The following DGKA variants were observed in gnomAD, a reference collection of about 807,000 sequenced individuals.
The protein encoded by DGKA is 80 kDa diacylglycerol kinase.
Under a neutral mutation model 105.0 loss-of-function variants are expected in DGKA, and 35 were observed. That is an observed-to-expected ratio of 0.33 (90% CI 0.25 to 0.44). The LOEUF (loss-of-function observed/expected upper bound fraction) is 0.44, where lower values mean the gene tolerates loss of function less well. Among genes scored for constraint, DGKA ranks in the 20% least tolerant of loss-of-function variants. The pLI, the probability that DGKA is intolerant of heterozygous loss-of-function variation, is 1.00. For synonymous variants in DGKA, 296 were observed against 332.0 expected (o/e 0.89, Z 1.18); for missense variants, 665 against 915.0 (o/e 0.73, Z 3.53).
intron 15 of DGKA, 46 bp downstream of exon 15, chr12:55,941,630 T>C: frequency 6.3e-7 from 1 of 1,579,484 alleles, no homozygotes; most frequent in Non-Finnish European, 8.7e-7. Flanking sequence ...CGTGGGTCTG[T>C]GTATCTGTAT....
chr12:55,928,698 A>C (rs1176364219), upstream of DGKA, among the ~76,000 whole-genome samples: 1 of 150,424 alleles, frequency 6.6e-6, no homozygotes, highest in African/African-American at 2.4e-5. Context: ...AAAAAAAAAA[A>C]AAAAAAAACT....
rs771979676 is a variant in DGKA, at chr12:55,939,173, A to G, written c.475-13A>G. ...CCACTCATACTGAAAGTCCCTTTCC[A>G]CTCTGTGCTCAGATTCTTCAGGAGA... On this transcript the variant is annotated splice_polypyrimidine_tract_variant and intron_variant, in intron 7 of 23. Coordinates refer to ENST00000331886, the MANE Select transcript of DGKA (RefSeq NM_001345.5). The G allele has an allele frequency of 1.2e-6, 2 of 1,613,286 alleles. No homozygotes were observed. Among genetic ancestry groups the G allele is most frequent in the South Asian group, 2.2e-5 (2 of 90,934 alleles).
At chr12:55,939,554 G>A (rs769800458) in intron 9 of DGKA, 25 bp downstream of exon 9, 1 of 1,609,060 alleles carries the variant, frequency 6.2e-7, no homozygotes, top group South Asian at 1.1e-5. Context: ...CTGGGAGGTA[G>A]GGGAAGAGGG....
At position 55,939,290 on chromosome 12, in the gene DGKA, G is replaced by A. The variant is rs374635355; in HGVS notation, c.579G>A (p.Leu193=). Residue 193 remains leucine (L), a synonymous_variant, in exon 8 of 24, where the codon CTG becomes CTA. Transcript: ENST00000331886. ...AGATTVPLLV[L]LGLEMTLKDD... is the part of the protein sequence containing the mutation. ...CCACCACCGTGCCACTGCTAGTGCT[G>A]CTGGGTCTGGAGATGGTGAGTAGGA... 3 of 1,614,036 alleles carry A rather than the reference G, an allele frequency of 1.9e-6. No individual in the cohort carries two copies. The Admixed American group carries it at 5.0e-5, about 27-fold the overall frequency.
In DGKA at chr12:55,932,749, C is replaced by G. The variant is rs976097866; in HGVS notation, c.-82+1405C>G. ...CACACACACACACACACAACCCCCTCAGCCAGGTGTAGCACTGCAGTCTTC... is the reference window on the plus strand; with the variant it reads ...CACACACACACACACACAACCCCCTGAGCCAGGTGTAGCACTGCAGTCTTC... On this transcript the variant is annotated intron_variant, in intron 1 of 23. Transcript: ENST00000331886. The surrounding 1 kb of genome is among the most constrained non-coding windows in gnomAD (Gnocchi z 4.3). The G allele has an allele frequency of 1.6e-6, 1 of 612,086 alleles. No individual in the cohort carries two copies. The highest frequency in any genetic ancestry group is 3.0e-6 in the Non-Finnish European group (1 of 336,674). The allele number at this position is 612,086 out of a possible 1,614,324, so 37.9% of individuals were successfully genotyped here.
rs760712689 is a variant in DGKA, at chr12:55,953,400, C to T, written c.2114C>T (p.Thr705Met). The T allele has an allele frequency of 6.8e-6, 11 of 1,613,978 alleles. No homozygotes were observed. The highest frequency in any genetic ancestry group is 1.3e-5 in the African/African-American group (1 of 74,884). The change falls in exon 23 of 24, where the codon ACG becomes ATG. Residue 705 changes from threonine (T) to methionine (M), a missense_variant. Around this residue, in one of 3 missense-constraint regions of DGKA, gnomAD observed 158 missense variants for 213.4 expected, o/e 0.74. Coordinates refer to ENST00000331886, the MANE Select transcript of DGKA (RefSeq NM_001345.5). ...MQIDGEPWMQ[T>M]PCTIKITHKN... ...ATTGACGGAGAACCCTGGATGCAGA[C>T]GCCCTGTACAGTGAGTATTGACGAT...
chr12:55,944,206 TGGAGGA>T (rs1160001843), intron 17 of DGKA, among the ~76,000 whole-genome samples: 1 of 152,160 alleles, frequency 6.6e-6, no homozygotes, highest in Non-Finnish European at 1.5e-5. Flanking sequence ...AGGTGGAGGC[TGGAGGA>T]TTCCTTGAGC....
rs766716463 is a variant in DGKA, at chr12:55,952,880, T to G, written c.1890T>G (p.Gly630=). The part of the protein sequence containing the change: ...GDIYGINQAL[G]ATAKVITDPD... ...TCTATGGGATCAACCAGGCCTTAGG[T>G]GCTACAGCTAAAGTCATCACCGACC... Residue 630 remains glycine (G), a synonymous_variant, in exon 21 of 24, where the codon GGT becomes GGG. Transcript: ENST00000331886. The surrounding 1 kb of genome is among the most constrained non-coding windows in gnomAD (Gnocchi z 5.1). 1.2e-6 allele frequency: 2 copies of G among 1,614,106 alleles called. No individual in the cohort carries two copies. The highest frequency in any genetic ancestry group is 2.2e-5 in the South Asian group (2 of 91,080).
intron 1 of DGKA, 42 bp downstream of exon 1, chr12:55,931,386 G>A (rs768799207): frequency 6.6e-6 from 1 of 152,298 alleles, no homozygotes; most frequent in Admixed American, 6.5e-5. Context: ...GGTGGACATA[G>A]ACCAAAGTGC....
At chr12:55,953,474 T>C (rs1888574678) in intron 23 of DGKA, 64 bp downstream of exon 23, 1 of 1,538,442 alleles carries the variant, frequency 6.5e-7, no homozygotes, top group South Asian at 1.1e-5. Flanking sequence ...AAATCCCCAT[T>C]CCACAGCTTC....
At chr12:55,942,849 G>A (rs1333862283) in intron 17 of DGKA, among the ~76,000 whole-genome samples, 1 of 152,132 alleles carries the variant, frequency 6.6e-6, no homozygotes, top group Non-Finnish European at 1.5e-5. Context: ...TCAGGGTCCA[G>A]CTCTAAGATC....
rs1291080239 is a variant in DGKA, at chr12:55,940,460, G to C, written c.918+27G>C. 7 of 1,612,536 alleles carry C rather than the reference G, an allele frequency of 4.3e-6. No homozygotes were observed. Among genetic ancestry groups the C allele is most frequent in the Non-Finnish European group, 5.9e-6 (7 of 1,179,326 alleles). ...TCAGTTTGGGAGCCATCCCTTCTGG[G>C]TGCGTCTTACCCCGCAGAGCTGCCT... On this transcript the variant is annotated intron_variant, in intron 11 of 23. Transcript: ENST00000331886. The surrounding 1 kb of genome is among the most constrained non-coding windows in gnomAD (Gnocchi z 4.3).
At position 55,948,326 on chromosome 12, in the gene DGKA, A is replaced by T. The variant is rs1003009611; in HGVS notation, c.1427-3297A>T. The stretch of plus-strand genomic sequence containing the variant: ...GAGGCAGGAGTAATCGCTTGAACCC[A>T]GGAGGCGGAGGTTGCAGTGAGCCGA... On this transcript the variant is annotated intron_variant, in intron 17 of 23. Coordinates refer to ENST00000331886, the MANE Select transcript of DGKA (RefSeq NM_001345.5). Among the ~76,000 whole-genome samples, 16 of 151,650 alleles carry T rather than the reference A, an allele frequency of 1.1e-4. No homozygotes were observed. The Middle Eastern group carries it at 0.014, about 130-fold the overall frequency.
Position 55,938,003 on chromosome 12 carries a change from C to T in DGKA, c.300C>T (p.Ser100=), listed in dbSNP as rs756165934. The change falls in exon 5 of 24, where the codon TCC becomes TCT. Residue 100 remains serine (S), a synonymous_variant. Coordinates refer to ENST00000331886, the MANE Select transcript of DGKA (RefSeq NM_001345.5). ...TKDVVCLNDV[S]CYFSLLEGGR... is the part of the protein sequence containing the mutation. The stretch of plus-strand genomic sequence containing the variant: ...ATGTGGTGTGTCTCAATGATGTTTC[C>T]TGCTACTTTTCCCTTCTGGAGGGTG... 9 of 1,614,002 alleles carry T rather than the reference C, an allele frequency of 5.6e-6. No individual in the cohort carries two copies. In the African/African-American group the frequency reaches 9.3e-5, roughly 17 times the overall value.
intron 1 of DGKA, among the ~76,000 whole-genome samples, chr12:55,934,681 CATTT>C (rs1305876089): frequency 1.3e-5 from 2 of 152,196 alleles, no homozygotes; most frequent in Admixed American, 1.3e-4. Flanking sequence ...CAGCATCATT[CATTT>C]ATTTAACAAA....
upstream of DGKA, chr12:55,927,816 C>T (rs1883224675): frequency 7.2e-6 from 11 of 1,519,436 alleles, no homozygotes; most frequent in Non-Finnish European, 7.9e-6. Context: ...GGCTCTGCCC[C>T]GCTGGGCGGC....
intron 6 of DGKA, 76 bp downstream of exon 6, chr12:55,938,636 AG>A: frequency 1.9e-6 from 3 of 1,610,178 alleles, no homozygotes; most frequent in Non-Finnish European, 2.5e-6. Context: ...CAACTCTTCC[AG>A]GGTCTTAAGA....
chr12:55,940,822 T>C lies in DGKA; in HGVS notation c.1018-75T>C. 1 of 1,599,424 alleles carries C rather than the reference T, an allele frequency of 6.3e-7. No homozygotes were observed. Reference sequence around the variant, plus strand: ...GAATAGAGAGCTCATACTTTTAGGATTCAAGTCAGACCCCTCTATTTAGGG... The same window carrying C: ...GAATAGAGAGCTCATACTTTTAGGACTCAAGTCAGACCCCTCTATTTAGGG... On this transcript the variant is annotated intron_variant, in intron 12 of 23. Transcript: ENST00000331886. This position sits in a 1 kb window ranked among gnomAD's most constrained non-coding sequence, Gnocchi z 4.3.
In DGKA at chr12:55,953,677, C is replaced by A. The variant is rs202143328; in HGVS notation, c.2125-8C>A. Reference sequence around the variant, plus strand: ...TCCTGCCTCTGAATGTGCTCCCTTCCCTTCCAGATCAAGATCACCCACAAG... The same window carrying A: ...TCCTGCCTCTGAATGTGCTCCCTTCACTTCCAGATCAAGATCACCCACAAG... On this transcript the variant is annotated splice_polypyrimidine_tract_variant and splice_region_variant and intron_variant, in intron 23 of 23. Coordinates refer to ENST00000331886, the MANE Select transcript of DGKA (RefSeq NM_001345.5). 10 of 1,613,438 alleles carry A rather than the reference C, an allele frequency of 6.2e-6. No homozygotes were observed. The highest frequency in any genetic ancestry group is 1.3e-5 in the African/African-American group (1 of 74,908).
Sources: gnomAD v4.1 joint callset for allele counts (sites outside exome capture counted in the v4.1 genomes callset) on GRCh38, gnomAD v4.1.1 for gene constraint, gnomAD v4.1.1 regional missense constraint, Gnocchi (gnomAD v3.1) non-coding constraint, MANE v1.5 for transcripts, NCBI Gene and HGNC (gene_info 2026-07-23, HGNC 2026-07-21) for gene names.